Variants in DOCK3 observed in about 807,000 individuals in gnomAD.
The protein encoded by DOCK3 is dedicator of cytokinesis protein 3.
A neutral mutation model predicts 265.6 loss-of-function variants in DOCK3; 60 were observed. The observed-to-expected ratio is 0.23, with a 90% CI of 0.18 to 0.28. The LOEUF is 0.28. Among genes scored for constraint, DOCK3 ranks in the 10% least tolerant of loss-of-function variants. The pLI is 1.00. For missense variants in DOCK3, 1,981 were observed against 2,594.3 expected, an observed-to-expected ratio of 0.76 and a Z score of 5.14; for synonymous variants, 881 against 938.0, an observed-to-expected ratio of 0.94 and a Z score of 1.11.
intron 24 of DOCK3, among the ~76,000 whole-genome samples, chr3:51,272,685 G>A (rs938800604): frequency 6.6e-6 from 1 of 151,988 alleles, no homozygotes; most frequent in Non-Finnish European, 1.5e-5. Flanking sequence ...AGCTCTGCCA[G>A]CGTATGATAT....
intron 1 of DOCK3, among the ~76,000 whole-genome samples, chr3:50,769,468 A>G (rs555751379): frequency 4.8e-4 from 73 of 152,254 alleles, no homozygotes; most frequent in African/African-American, 1.7e-3. Flanking sequence ...CCTTTACAAT[A>G]TGGACCTAGA....
intron 41 of DOCK3, among the ~76,000 whole-genome samples, 196 bp downstream of exon 41, chr3:51,355,219 C>T (rs1284107240): frequency 6.6e-6 from 1 of 152,236 alleles, no homozygotes; most frequent in East Asian, 1.9e-4. Context: ...GTGGCACGCC[C>T]TTAGCAGTGG....
At position 51,179,347 on chromosome 3, in the gene DOCK3, A is replaced by G. The variant is rs148054520; in HGVS notation, c.1037+18645A>G. On this transcript the variant is annotated intron_variant, in intron 12 of 52. Transcript: ENST00000266037. ...CCTAATATCAAAAAAGTATTTGACA[A>G]AGGTCAACCTTCATTCTCAATTATT... Among the ~76,000 whole-genome samples the G allele has an allele frequency of 2.6e-3, 395 of 152,360 alleles. 3 individuals carry two copies. The highest frequency in any genetic ancestry group is 9.2e-3 in the African/African-American group (381 of 41,582).
At chr3:51,016,950 A>AAT (rs1186346941) in intron 5 of DOCK3, among the ~76,000 whole-genome samples, 3 of 31,064 alleles carry the variant, frequency 9.7e-5, no homozygotes, top group African/African-American at 5.6e-4. Flanking sequence ...TGTTATATAT[A>AAT]ATATATATAT....
chr3:50,990,960 C>T (rs765635461), intron 5 of DOCK3, among the ~76,000 whole-genome samples: 26 of 152,296 alleles, frequency 1.7e-4, no homozygotes, highest in Non-Finnish European at 2.9e-4. Context: ...TTGCATCCTT[C>T]AATCCAATCA....
intron 7 of DOCK3, among the ~76,000 whole-genome samples, chr3:51,084,667 C>T (rs2082358199): frequency 6.6e-6 from 1 of 152,092 alleles, no homozygotes; most frequent in African/African-American, 2.4e-5. Context: ...ATAAAGCTTA[C>T]TGGTAGCATA....
At chr3:51,167,183 A>C (rs1055667351) in intron 12 of DOCK3, among the ~76,000 whole-genome samples, 2 of 152,270 alleles carry the variant, frequency 1.3e-5, no homozygotes, top group Non-Finnish European at 2.9e-5. Context: ...GTGGATGTAC[A>C]GTTTTCCCAG....
At chr3:50,827,148 C>A (rs1430674174) in intron 2 of DOCK3, among the ~76,000 whole-genome samples, 1 of 152,126 alleles carries the variant, frequency 6.6e-6, no homozygotes, top group African/African-American at 2.4e-5. Flanking sequence ...AGGAATCAGA[C>A]TGACATTGGA....
At chr3:51,031,329 C>T (rs1188433448) in intron 5 of DOCK3, among the ~76,000 whole-genome samples, 2 of 152,084 alleles carry the variant, frequency 1.3e-5, no homozygotes, top group Non-Finnish European at 2.9e-5. Flanking sequence ...GTTTTTGTTA[C>T]GTCTCCAAGA....
rs773274370 is a variant in DOCK3, at chr3:51,225,631, G to A, written c.1253-18G>A. On this transcript the variant is annotated intron_variant, in intron 14 of 52. Transcript: ENST00000266037. ...TGGCTTCTGGAGTCATAAGGATGTG[G>A]CATTTCTTTCCCCGCAGGTGATATC... is the stretch of plus-strand genomic sequence containing the variant. The A allele has an allele frequency of 1.9e-6, 3 of 1,604,590 alleles. No individual in the cohort carries two copies. The highest frequency in any genetic ancestry group is 1.1e-5 in the South Asian group (1 of 89,108).
chr3:50,682,230 G>T (rs377191036), intron 1 of DOCK3, among the ~76,000 whole-genome samples: 2 of 152,176 alleles, frequency 1.3e-5, no homozygotes, highest in African/African-American at 4.8e-5. Flanking sequence ...TGCATGTTCA[G>T]CCTCATCCAC....
chr3:50,883,814 T>A (rs1025339061), intron 3 of DOCK3, among the ~76,000 whole-genome samples: 2 of 152,180 alleles, frequency 1.3e-5, no homozygotes, highest in African/African-American at 4.8e-5. Context: ...TTTACAAACA[T>A]CACCATTATT....
chr3:50,975,181 A>G (rs1257261498), intron 5 of DOCK3, among the ~76,000 whole-genome samples: 1 of 146,654 alleles, frequency 6.8e-6, no homozygotes, highest in Non-Finnish European at 1.5e-5. Context: ...CACTATGTTG[A>G]ATAGGAGTGG....
chr3:50,879,874 G>T (rs2047934890), intron 3 of DOCK3, among the ~76,000 whole-genome samples: 1 of 152,098 alleles, frequency 6.6e-6, no homozygotes, highest in South Asian at 2.1e-4. Flanking sequence ...CAACAACATA[G>T]TTGGAAGTAA....
intron 10 of DOCK3, among the ~76,000 whole-genome samples, chr3:51,151,998 T>C (rs541776287): frequency 6.6e-6 from 1 of 152,300 alleles, no homozygotes; most frequent in African/African-American, 2.4e-5. Context: ...TCAAGGAGTA[T>C]CTTTGTGGCA....
intron 22 of DOCK3, among the ~76,000 whole-genome samples, chr3:51,250,624 A>C (rs531302414): frequency 1.3e-5 from 2 of 152,276 alleles, no homozygotes; most frequent in East Asian, 3.9e-4. Context: ...ATCTCAAGAG[A>C]AAACAAACAA....
At chr3:51,379,983 G>C (rs1317915759) in intron 51 of DOCK3, 142 bp from the exon 52 acceptor site, 4 of 636,714 alleles carry the variant, frequency 6.3e-6, no homozygotes, top group Non-Finnish European at 1.0e-5. Flanking sequence ...CCAGTGTAAA[G>C]AGAGGTTTAT....
intron 4 of DOCK3, among the ~76,000 whole-genome samples, chr3:50,921,876 T>G (rs2050491450): frequency 6.6e-6 from 1 of 152,194 alleles, no homozygotes; most frequent in South Asian, 2.1e-4. Context: ...CAGCAAATAT[T>G]GCAGAACGGC....
chr3:51,348,495 G>C (rs779793226), intron 38 of DOCK3, among the ~76,000 whole-genome samples: 1 of 152,170 alleles, frequency 6.6e-6, no homozygotes, highest in East Asian at 1.9e-4. Flanking sequence ...CCCTCATTCT[G>C]TTTCTCATCT....
Sources: gnomAD v4.1 joint callset for allele counts (sites outside exome capture counted in the v4.1 genomes callset) on GRCh38, gnomAD v4.1.1 for gene constraint, MANE v1.5 for transcripts, NCBI Gene and HGNC (gene_info 2026-07-23, HGNC 2026-07-21) for gene names.